Variants in ST3GAL2 observed in about 807,000 individuals in gnomAD.
ST3GAL2 encodes CMP-N-acetylneuraminate-beta-galactosamide-alpha-2,3-sialyltransferase 2.
In ST3GAL2, 16 loss-of-function variants were observed where a neutral mutation model predicts 37.5. The ratio of observed to expected loss-of-function variants is 0.43; its 90% CI spans 0.29 to 0.65. The LOEUF is 0.65. Among genes scored for constraint, ST3GAL2 ranks in the 30% least tolerant of loss-of-function variants. ST3GAL2 has a pLI of 0.17. For synonymous variants in ST3GAL2, 238 were observed against 202.9 expected (o/e 1.17, Z -1.47); for missense variants, 383 against 487.8 (o/e 0.79, Z 2.02).
rs2047383029 is a variant in ST3GAL2 at position 70,379,832 on chromosome 16, A to G, written c.*1857T>C. 1 of 149,394 alleles carries G rather than the reference A, an allele frequency of 6.7e-6. No individual in the cohort carries two copies. The highest frequency in any genetic ancestry group is 1.5e-5 in the Non-Finnish European group (1 of 67,526). 9.3% of individuals were successfully genotyped at this position (149,394 alleles called of 1,614,324 possible). ...TTTTTGGTAGAGACGAGGTTTCACCATATTGGCCAGGCTGGTCTCGAACTC... is the reference window on the plus strand; with the variant it reads ...TTTTTGGTAGAGACGAGGTTTCACCGTATTGGCCAGGCTGGTCTCGAACTC... On this transcript the variant is annotated 3_prime_UTR_variant, in exon 7 of 7. Coordinates refer to ENST00000342907, the MANE Select transcript of ST3GAL2 (RefSeq NM_006927.4).
chr16:70,399,602 A>C (rs1477985135), intron 1 of ST3GAL2, 69 bp from the exon 2 acceptor site: 3 of 396,296 alleles, frequency 7.6e-6, no homozygotes, highest in Non-Finnish European at 1.3e-5. Flanking sequence ...TCCCAGCCCC[A>C]CCCCAAGCCC....
chr16:70,404,183 T>G (rs1283949774), intron 1 of ST3GAL2, among the ~76,000 whole-genome samples: 2 of 151,244 alleles, frequency 1.3e-5, no homozygotes, highest in Non-Finnish European at 2.9e-5. Flanking sequence ...CAGACAAGAG[T>G]AGGCGGCTCA....
At chr16:70,390,133 G>A (rs1272969332) in intron 3 of ST3GAL2, among the ~76,000 whole-genome samples, 2 of 152,120 alleles carry the variant, frequency 1.3e-5, no homozygotes, top group Non-Finnish European at 2.9e-5. Flanking sequence ...GGAGTGCAGT[G>A]GCACCATCAT....
intron 1 of ST3GAL2, among the ~76,000 whole-genome samples, chr16:70,435,896 C>T (rs375942707): frequency 6.6e-6 from 1 of 151,400 alleles, no homozygotes; most frequent in Non-Finnish European, 1.5e-5. Context: ...GAAGCTGAGG[C>T]GGGCGGAGCA....
At chr16:70,425,595 T>C (rs2047744320) in intron 1 of ST3GAL2, among the ~76,000 whole-genome samples, 1 of 151,932 alleles carries the variant, frequency 6.6e-6, no homozygotes, top group African/African-American at 2.4e-5. Flanking sequence ...GAATGTAAAA[T>C]GGTAATCCAG....
chr16:70,398,673 T>A lies in ST3GAL2; in HGVS notation c.-143A>T. ...CTGCAGCAGGGGACAGTGGCAGGGGTCCCTTGCCACGCCCTCCCTCATGTA... is the reference window on the plus strand; with the variant it reads ...CTGCAGCAGGGGACAGTGGCAGGGGACCCTTGCCACGCCCTCCCTCATGTA... On this transcript the variant is annotated 5_prime_UTR_variant, in exon 2 of 7. Coordinates refer to ENST00000342907, the MANE Select transcript of ST3GAL2 (RefSeq NM_006927.4). 6 of 766,276 alleles carry A rather than the reference T, an allele frequency of 7.8e-6. No homozygotes were observed. Among genetic ancestry groups the A allele is most frequent in the Non-Finnish European group, 1.2e-5 (6 of 485,326 alleles). The allele number at this position is 766,276 out of a possible 1,614,324, so 47.5% of individuals were successfully genotyped here.
intron 1 of ST3GAL2, among the ~76,000 whole-genome samples, chr16:70,410,892 G>A (rs1043502460): frequency 1.4e-4 from 19 of 140,216 alleles, no homozygotes; most frequent in Admixed American, 6.3e-4. Context: ...TCTCTTTTTC[G>A]CTTGCCAACA....
chr16:70,381,945 A>AG lies in ST3GAL2; in HGVS notation c.880-84dup. ...GCGGGCTCGGGATGACAGGGAGGAG[A>AG]GGGGACGGGAGGCCCCGGGGAGATG... On this transcript the variant is annotated intron_variant, in intron 6 of 6. Coordinates refer to ENST00000342907, the MANE Select transcript of ST3GAL2 (RefSeq NM_006927.4). 4 of 1,545,676 alleles carry AG rather than the reference A, an allele frequency of 2.6e-6. No individual in the cohort carries two copies. The South Asian group carries it at 4.7e-5, about 18-fold the overall frequency.
rs1464396586 is a variant in ST3GAL2 at position 70,398,480 on chromosome 16, C to T, written c.51G>A (p.Val17=). ...AGGTGAAGAGCAGGGACATGATGAA[C>T]ACCAGCAGGAAGGCCACGGAGAGGA... The part of the protein sequence containing the change: ...VWFLSVAFLL[V]FIMSLLFTYS... The change falls in exon 2 of 7, where the codon GTG becomes GTA. Residue 17 remains valine, a synonymous_variant. Transcript: ENST00000342907. The T allele has an allele frequency of 6.2e-7, 1 of 1,613,354 alleles. No homozygotes were observed. The highest frequency in any genetic ancestry group is 1.7e-5 in the Admixed American group (1 of 60,016).
chr16:70,426,849 T>TTC (rs1056790728), intron 1 of ST3GAL2, among the ~76,000 whole-genome samples: 9 of 146,798 alleles, frequency 6.1e-5, no homozygotes, highest in African/African-American at 2.5e-4. Context: ...TCTCTGGATT[T>TTC]TCTCTCTTTC....
chr16:70,407,808 C>G (rs555101996), intron 1 of ST3GAL2, among the ~76,000 whole-genome samples: 103 of 152,316 alleles, frequency 6.8e-4, no homozygotes, highest in African/African-American at 2.4e-3. Flanking sequence ...AGCCAATTCT[C>G]GGTCAGATCC....
chr16:70,393,234 C>T (rs569816033), intron 3 of ST3GAL2, among the ~76,000 whole-genome samples: 2 of 152,172 alleles, frequency 1.3e-5, no homozygotes, highest in South Asian at 4.1e-4. Flanking sequence ...CCCACCACCA[C>T]GCCCAGCTAA....
intron 4 of ST3GAL2, among the ~76,000 whole-genome samples, chr16:70,385,541 T>C (rs934178714): frequency 6.6e-6 from 1 of 151,938 alleles, no homozygotes; most frequent in African/African-American, 2.4e-5. Context: ...TGTTATATTG[T>C]GTATATTTTA....
chr16:70,411,202 T>C (rs1186920767), intron 1 of ST3GAL2, among the ~76,000 whole-genome samples: 1 of 151,858 alleles, frequency 6.6e-6, no homozygotes. Flanking sequence ...CTGGGCAACA[T>C]GGTGAAACCC....
At chr16:70,429,588 C>CAAAAAAAAAAAAAAAAAAAAAAAAAAA (rs1173306093) in intron 1 of ST3GAL2, among the ~76,000 whole-genome samples, 1 of 36,064 alleles carries the variant, frequency 2.8e-5, no homozygotes, top group African/African-American at 9.6e-5. Context: ...GACTCTGTCT[C>CAAAAAAAAAAAAAAAAAAAAAAAAAAA]AAAAAAAAAA....
At chr16:70,405,318 G>C (rs2047582269) in intron 1 of ST3GAL2, among the ~76,000 whole-genome samples, 1 of 152,048 alleles carries the variant, frequency 6.6e-6, no homozygotes. Context: ...GAGGCAGACG[G>C]ATCACGAGGT....
At chr16:70,393,550 C>G (rs937636734) in intron 3 of ST3GAL2, among the ~76,000 whole-genome samples, 14 of 152,194 alleles carry the variant, frequency 9.2e-5, no homozygotes, top group Non-Finnish European at 1.8e-4. Flanking sequence ...AGAGCATTGT[C>G]CTGGGCTTCC....
intron 1 of ST3GAL2, among the ~76,000 whole-genome samples, chr16:70,410,808 GTTT>G (rs35994886): frequency 1.2e-3 from 124 of 103,196 alleles, no homozygotes; most frequent in African/African-American, 3.3e-3. Context: ...TTTAGATCCT[GTTT>G]TTTTTTTTTT....
rs1216382512 is a variant in ST3GAL2 at position 70,437,274 on chromosome 16, G to A, written c.-1004+1675C>T. On this transcript the variant is annotated intron_variant, in intron 1 of 6. Coordinates refer to ENST00000342907, the MANE Select transcript of ST3GAL2 (RefSeq NM_006927.4). ...ACCCACACAGACAGTTGGCCCCCTG[G>A]CCTCCCTTCCTCCATTCTCAAGTTA... Among the ~76,000 whole-genome samples, 3 of 152,282 alleles carry A rather than the reference G, an allele frequency of 2.0e-5. No homozygotes were observed. The East Asian group carries it at 5.8e-4, about 29-fold the overall frequency.
Sources: gnomAD v4.1 joint callset for allele counts (sites outside exome capture counted in the v4.1 genomes callset) on GRCh38, gnomAD v4.1.1 for gene constraint, MANE v1.5 for transcripts, NCBI Gene and HGNC (gene_info 2026-07-23, HGNC 2026-07-21) for gene names.